The following HABP4 variants were observed in gnomAD, a reference collection of about 807,000 sequenced individuals.
HABP4 encodes the protein hyaluronan binding protein 4, also known as intracellular hyaluronan-binding protein 4.
In HABP4, 32 loss-of-function variants were observed where a neutral mutation model predicts 44.1. That is an observed-to-expected ratio of 0.73 (90% CI 0.55 to 0.97). The LOEUF (loss-of-function observed/expected upper bound fraction) is 0.97. HABP4 is among the 50% of genes least tolerant of loss of function. The pLI is 0.00. For synonymous variants in HABP4, 216 were observed against 218.0 expected (o/e 0.99, Z 0.08); for missense variants, 503 against 561.9 (o/e 0.90, Z 1.06).
In HABP4 at chr9:96,450,419, G is replaced by A. The variant is rs1175489748; in HGVS notation, c.140G>A (p.Arg47His). ...TTCGACATCCTGCGCGAGGCCGAGC[G>A]CCGGCGCCAGCAGCAGCTGCAGCGC... The part of the protein sequence containing the change: ...DPFDILREAE[R>H]RRQQQLQRKR... Residue 47 changes from arginine to histidine, a missense_variant, in exon 1 of 8, where the codon CGC (arginine) becomes CAC (histidine). Physicochemically the swap from Arg to His is conservative, Grantham distance 29 (BLOSUM62 0). Coordinates refer to ENST00000375249, the MANE Select transcript of HABP4 (RefSeq NM_014282.4). The surrounding 1 kb of genome is among the most constrained non-coding windows in gnomAD (Gnocchi z 4.8). 1.8e-5 allele frequency: 6 copies of A among 338,342 alleles called. No individual in the cohort carries two copies. The highest frequency in any genetic ancestry group is 2.8e-5 in the South Asian group (1 of 35,164). 21.0% of individuals were successfully genotyped at this position (338,342 alleles called of 1,614,324 possible).
rs894343401 is a variant in HABP4 at position 96,477,100 on chromosome 9, A to G, written c.827+6006A>G. ...TATGATGTCCTTTAAGCAAACAAAC[A>G]AACTCTGTTAATAACAACTACTTCT... On this transcript the variant is annotated intron_variant, in intron 5 of 7. Transcript: ENST00000375249. 2.0e-5 allele frequency among the ~76,000 whole-genome samples: 3 copies of G among 152,246 alleles called. No homozygotes were observed. The East Asian group carries it at 5.8e-4, about 29-fold the overall frequency.
At chr9:96,476,671 G>C (rs1255257986) in intron 5 of HABP4, among the ~76,000 whole-genome samples, 2 of 152,168 alleles carry the variant, frequency 1.3e-5, no homozygotes, top group African/African-American at 4.8e-5. Context: ...TGAATATTTA[G>C]TCATTGCTAA....
chr9:96,455,418 C>T (rs1832356766), intron 1 of HABP4, among the ~76,000 whole-genome samples: 1 of 147,078 alleles, frequency 6.8e-6, no homozygotes, highest in East Asian at 2.0e-4. Context: ...TGCCACTGCA[C>T]TCCAGCCTGG....
chr9:96,465,503 G>T lies in HABP4; in HGVS notation c.674+5G>T, dbSNP rs781211472. On this transcript the variant is annotated splice_donor_5th_base_variant and intron_variant, in intron 3 of 7. Transcript: ENST00000375249. The stretch of plus-strand genomic sequence containing the variant: ...ATATGGTGGGAATGACAAAATGTAA[G>T]TTTCTTTGTAAATGCTATTTTCACT... The T allele has an allele frequency of 5.9e-5, 94 of 1,591,768 alleles. No individual in the cohort carries two copies. The highest frequency in any genetic ancestry group is 7.5e-5 in the Non-Finnish European group (87 of 1,159,782).
intron 6 of HABP4, among the ~76,000 whole-genome samples, chr9:96,486,054 G>A (rs1200658812): frequency 2.6e-5 from 4 of 152,048 alleles, no homozygotes; most frequent in East Asian, 1.9e-4. Flanking sequence ...CTAGCCGGGC[G>A]GTTGGCGGGT....
intron 6 of HABP4, among the ~76,000 whole-genome samples, chr9:96,485,134 C>G (rs1314998729): frequency 6.6e-6 from 1 of 151,942 alleles, no homozygotes; most frequent in African/African-American, 2.4e-5. Flanking sequence ...CTCACCGCAA[C>G]CTCCGCCTCC....
intron 1 of HABP4, among the ~76,000 whole-genome samples, chr9:96,454,786 C>G (rs1300027298): frequency 6.6e-6 from 1 of 152,094 alleles, no homozygotes; most frequent in Non-Finnish European, 1.5e-5. Context: ...GCCCCCAGAT[C>G]TGATGTTGCA....
At chr9:96,474,699 A>G (rs1832752694) in intron 5 of HABP4, among the ~76,000 whole-genome samples, 1 of 152,180 alleles carries the variant, frequency 6.6e-6, no homozygotes, top group Non-Finnish European at 1.5e-5. Flanking sequence ...TACAATTATA[A>G]TTTTTTGATA....
At chr9:96,474,825 T>G (rs1832755380) in intron 5 of HABP4, among the ~76,000 whole-genome samples, 1 of 152,224 alleles carries the variant, frequency 6.6e-6, no homozygotes, top group South Asian at 2.1e-4. Flanking sequence ...AGCCTGAATG[T>G]ACATTCAGTG....
rs1832240785 is a variant in HABP4 at position 96,450,201 on chromosome 9, G to C, written c.-79G>C. ...GGAGGGCGGTGGCGGCGGAGCGGGC[G>C]GCATGGGTCCTGGCCGCCGGCTTCG... is the stretch of plus-strand genomic sequence containing the variant. On this transcript the variant is annotated 5_prime_UTR_variant, in exon 1 of 8. Transcript: ENST00000375249. The surrounding 1 kb of genome is among the most constrained non-coding windows in gnomAD (Gnocchi z 4.8). 4.1e-6 allele frequency: 5 copies of C among 1,217,698 alleles called. No individual in the cohort carries two copies. In the African/African-American group the frequency reaches 6.4e-5, roughly 16 times the overall value. 75.4% of individuals were successfully genotyped at this position (1,217,698 alleles called of 1,614,324 possible).
intron 4 of HABP4, among the ~76,000 whole-genome samples, chr9:96,470,739 C>CA (rs910337802): frequency 6.6e-6 from 1 of 150,814 alleles, no homozygotes; most frequent in Admixed American, 6.6e-5. Context: ...ACCAAAAATA[C>CA]AAAAAAAATT....
At chr9:96,461,383 G>A (rs1287280249) in intron 2 of HABP4, among the ~76,000 whole-genome samples, 1 of 152,054 alleles carries the variant, frequency 6.6e-6, no homozygotes, top group African/African-American at 2.4e-5. Flanking sequence ...CAGAAAGGAA[G>A]AGCCAAAATT....
At chr9:96,455,188 T>G (rs1832352446) in intron 1 of HABP4, among the ~76,000 whole-genome samples, 1 of 152,140 alleles carries the variant, frequency 6.6e-6, no homozygotes, top group African/African-American at 2.4e-5. Flanking sequence ...CAGTGGCTTA[T>G]GTGTGTAATC....
chr9:96,476,143 G>C (rs1018811900), intron 5 of HABP4, among the ~76,000 whole-genome samples: 6 of 152,198 alleles, frequency 3.9e-5, no homozygotes, highest in Non-Finnish European at 7.3e-5. Context: ...CACAGAGGTT[G>C]AGTGTGGGCT....
At chr9:96,464,519 T>C (rs1385691327) in intron 2 of HABP4, among the ~76,000 whole-genome samples, 2 of 152,202 alleles carry the variant, frequency 1.3e-5, no homozygotes, top group Non-Finnish European at 2.9e-5. Flanking sequence ...CTTCTGTGAA[T>C]CTTGAATTGG....
intron 5 of HABP4, among the ~76,000 whole-genome samples, chr9:96,475,390 C>CAAAAAAAAAAAAAAAAAAAAAA (rs61553823): frequency 4.3e-5 from 4 of 94,100 alleles, no homozygotes; most frequent in African/African-American, 7.9e-5. Flanking sequence ...ACAACAACAA[C>CAAAAAAAAAAAAAAAAAAAAAA]AAAAAAAAAA....
rs940837075 is a variant in HABP4 at position 96,488,719 on chromosome 9, C to G, written c.1185+445C>G. 1.4e-4 allele frequency among the ~76,000 whole-genome samples: 22 copies of G among 152,192 alleles called. No individual in the cohort carries two copies. Among genetic ancestry groups the G allele is most frequent in the African/African-American group, 4.8e-4 (20 of 41,454 alleles). ...CTCACCTGCCTCACACCGTCCTCAG[C>G]CAAGGCTGCCTGATTCTAGCTCTCA... On this transcript the variant is annotated intron_variant, in intron 7 of 7. Transcript: ENST00000375249. The surrounding 1 kb of genome is among the most constrained non-coding windows in gnomAD (Gnocchi z 4.6).
chr9:96,463,467 C>T (rs1314674814), intron 2 of HABP4, among the ~76,000 whole-genome samples: 1 of 152,128 alleles, frequency 6.6e-6, no homozygotes, highest in African/African-American at 2.4e-5. Context: ...ATTGGCCAGG[C>T]TGGTCTCAAA....
At chr9:96,464,034 G>A (rs1160887580) in intron 2 of HABP4, among the ~76,000 whole-genome samples, 1 of 152,234 alleles carries the variant, frequency 6.6e-6, no homozygotes. Context: ...CTCAGAAAGA[G>A]TGCTGGTGCC....
Sources: gnomAD v4.1 joint callset for allele counts (sites outside exome capture counted in the v4.1 genomes callset) on GRCh38, gnomAD v4.1.1 for gene constraint, Gnocchi (gnomAD v3.1) non-coding constraint, MANE v1.5 for transcripts, NCBI Gene and HGNC (gene_info 2026-07-23, HGNC 2026-07-21) for gene names.